The following COL25A1 variants were observed in gnomAD, a reference collection of about 807,000 sequenced individuals.
The protein encoded by COL25A1 is collagen type XXV alpha 1 chain, also known as collagen alpha-1(XXV) chain.
A neutral mutation model predicts 128.4 loss-of-function variants in COL25A1; 103 were observed. The observed-to-expected ratio is 0.80, with a 90% CI of 0.68 to 0.94. The LOEUF (loss-of-function observed/expected upper bound fraction) is 0.94, where lower values mean the gene tolerates loss of function less well. Among genes scored for constraint, COL25A1 ranks in the 40% least tolerant of loss-of-function variants. The pLI, the probability that COL25A1 is intolerant of heterozygous loss-of-function variation, is 0.00. For synonymous variants in COL25A1, 279 were observed against 277.2 expected, an observed-to-expected ratio of 1.01 and a Z score of -0.06; for missense variants, 745 against 840.0, an observed-to-expected ratio of 0.89 and a Z score of 1.40.
At chr4:109,038,004 CAG>C (rs1759520486) in intron 5 of COL25A1, among the ~76,000 whole-genome samples, 1 of 152,050 alleles carries the variant, frequency 6.6e-6, no homozygotes, top group Non-Finnish European at 1.5e-5. Context: ...GAAGGAATTA[CAG>C]AGAGAGGAGA....
At chr4:109,271,366 T>C (rs1218178875) in intron 3 of COL25A1, among the ~76,000 whole-genome samples, 3 of 152,228 alleles carry the variant, frequency 2.0e-5, no homozygotes, top group Non-Finnish European at 2.9e-5. Context: ...ATATTACATA[T>C]TTCCTTTGGC....
rs1422667068 is a variant in COL25A1 at position 108,817,984 on chromosome 4, C to T, written c.1924-549G>A. On this transcript the variant is annotated intron_variant, in intron 36 of 37. Transcript: ENST00000399132. ...TTGAATTAGAGGACAGGCAGCCTAT[C>T]TATATTTTTATGATAAAATATTATC... 3.3e-5 allele frequency among the ~76,000 whole-genome samples: 5 copies of T among 152,210 alleles called. No homozygotes were observed. In the East Asian group the frequency reaches 7.7e-4, roughly 23 times the overall value.
chr4:108,935,424 T>C (rs1215174599), intron 11 of COL25A1, among the ~76,000 whole-genome samples: 1 of 152,216 alleles, frequency 6.6e-6, no homozygotes, highest in East Asian at 1.9e-4. Context: ...CACTATAATT[T>C]GTCACTTTTC....
chr4:108,823,530 A>G (rs1732019557), intron 35 of COL25A1, among the ~76,000 whole-genome samples: 1 of 152,128 alleles, frequency 6.6e-6, no homozygotes. Flanking sequence ...AAGTCATAAA[A>G]CCATATTGCC....
intron 8 of COL25A1, among the ~76,000 whole-genome samples, chr4:108,966,956 A>AGAG (rs1320391119): frequency 7.9e-5 from 12 of 151,994 alleles, no homozygotes; most frequent in South Asian, 4.2e-4. Flanking sequence ...AAAGAAAGAA[A>AGAG]AAGAAAGAAA....
chr4:108,987,437 A>T (rs2126007394), intron 6 of COL25A1, among the ~76,000 whole-genome samples: 1 of 149,852 alleles, frequency 6.7e-6, no homozygotes, highest in Non-Finnish European at 1.5e-5. Flanking sequence ...GTGCAGTGGC[A>T]TGATCTCTGC....
At chr4:109,081,780 T>C (rs1763856610) in intron 3 of COL25A1, among the ~76,000 whole-genome samples, 1 of 152,070 alleles carries the variant, frequency 6.6e-6, no homozygotes, top group African/African-American at 2.4e-5. Flanking sequence ...CTTGGCTCAC[T>C]GCAAACTCCA....
At chr4:108,885,508 A>C (rs559565973) in intron 18 of COL25A1, among the ~76,000 whole-genome samples, 1 of 152,212 alleles carries the variant, frequency 6.6e-6, no homozygotes, top group Non-Finnish European at 1.5e-5. Context: ...CCAGAGGAGA[A>C]AGGCTGATTA....
intron 5 of COL25A1, among the ~76,000 whole-genome samples, chr4:109,012,446 C>T (rs1178276208): frequency 6.6e-6 from 1 of 152,222 alleles, no homozygotes; most frequent in Non-Finnish European, 1.5e-5. Context: ...CCGGAGCTGG[C>T]TCCCTCTGCT....
intron 35 of COL25A1, 23 bp from the exon 36 acceptor site, chr4:108,819,352 A>G: frequency 1.3e-6 from 2 of 1,580,694 alleles, no homozygotes; most frequent in Admixed American, 3.5e-5. Context: ...ATTAACTCAT[A>G]ATGTTACTAA....
At chr4:109,149,178 T>C (rs1227721390) in intron 3 of COL25A1, among the ~76,000 whole-genome samples, 1 of 152,234 alleles carries the variant, frequency 6.6e-6, no homozygotes, top group Non-Finnish European at 1.5e-5. Flanking sequence ...GTAAGTACTC[T>C]ATAAACATTT....
At chr4:108,893,850 T>C (rs1366946216) in intron 16 of COL25A1, among the ~76,000 whole-genome samples, 2 of 152,166 alleles carry the variant, frequency 1.3e-5, no homozygotes, top group African/African-American at 4.8e-5. Flanking sequence ...AAAAATTATA[T>C]TCCAATTACA....
At position 109,181,530 on chromosome 4, in the gene COL25A1, T is replaced by C. The variant is rs139850976; in HGVS notation, c.367+119053A>G. Among the ~76,000 whole-genome samples, 1,409 of 152,204 alleles carry C rather than the reference T, an allele frequency of 9.3e-3. 6 individuals carry two copies. Among genetic ancestry groups the C allele is most frequent in the Non-Finnish European group, 0.015 (1,016 of 67,962 alleles). The stretch of plus-strand genomic sequence containing the variant: ...TGTATCTTTTGAAAGTAAAGAACAA[T>C]AGCTAAATTTCCAAACAATATACCG... On this transcript the variant is annotated intron_variant, in intron 3 of 37. Transcript: ENST00000399132.
At chr4:109,091,130 C>T (rs1418464904) in intron 3 of COL25A1, among the ~76,000 whole-genome samples, 1 of 152,166 alleles carries the variant, frequency 6.6e-6, no homozygotes, top group African/African-American at 2.4e-5. Flanking sequence ...AGAATAAAGT[C>T]TAGTCAACAG....
intron 26 of COL25A1, among the ~76,000 whole-genome samples, chr4:108,849,572 T>G (rs1394138879): frequency 6.6e-6 from 1 of 152,204 alleles, no homozygotes; most frequent in African/African-American, 2.4e-5. Context: ...AGCAAATGTT[T>G]AGTCACTTCT....
intron 6 of COL25A1, among the ~76,000 whole-genome samples, chr4:108,994,040 C>T (rs1374633999): frequency 6.6e-6 from 1 of 152,144 alleles, no homozygotes; most frequent in Non-Finnish European, 1.5e-5. Flanking sequence ...GCAAGATTGA[C>T]ACAGAAGACA....
At chr4:109,196,992 T>G (rs1396491194) in intron 3 of COL25A1, among the ~76,000 whole-genome samples, 4 of 152,040 alleles carry the variant, frequency 2.6e-5, no homozygotes, top group African/African-American at 9.7e-5. Flanking sequence ...CATATATTTA[T>G]CAAACCATAT....
intron 3 of COL25A1, among the ~76,000 whole-genome samples, chr4:109,194,482 T>C (rs973154880): frequency 1.3e-5 from 2 of 152,204 alleles, no homozygotes; most frequent in African/African-American, 2.4e-5. Flanking sequence ...CGAGAACTAT[T>C]CTAGATCTTG....
chr4:108,868,606 A>AAAAGAAAGAAAGAAAGAAAG (rs61280631), intron 20 of COL25A1, among the ~76,000 whole-genome samples: 29 of 146,968 alleles, frequency 2.0e-4, no homozygotes, highest in African/African-American at 7.1e-4. Flanking sequence ...GAAAGAAAGA[A>AAAAGAAAGAAAGAAAGAAAG]AAAGAAAGAA....
Sources: gnomAD v4.1 joint callset for allele counts (sites outside exome capture counted in the v4.1 genomes callset) on GRCh38, gnomAD v4.1.1 for gene constraint, MANE v1.5 for transcripts, NCBI Gene and HGNC (gene_info 2026-07-23, HGNC 2026-07-21) for gene names.